Variants in HTATSF1 observed in about 807,000 individuals in gnomAD.
The protein encoded by HTATSF1 is HIV-1 Tat specific factor 1, also known as 17S U2 SnRNP complex component HTATSF1.
HTATSF1 carries 6 observed loss-of-function variants against 46.1 expected under a neutral mutation model. The observed-to-expected ratio is 0.13, with a 90% CI of 0.07 to 0.26. HTATSF1 has a LOEUF of 0.26. HTATSF1 is among the 10% of genes least tolerant of loss of function. The pLI, the probability that HTATSF1 is intolerant of heterozygous loss-of-function variation, is 1.00. For missense variants in HTATSF1, 452 were observed against 559.9 expected, an observed-to-expected ratio of 0.81 and a Z score of 1.94; for synonymous variants, 226 against 211.5, an observed-to-expected ratio of 1.07 and a Z score of -0.60.
intron 7 of HTATSF1, among the ~76,000 whole-genome samples, chrX:136,509,684 C>T (rs2075758570): frequency 8.9e-6 from 1 of 112,335 alleles, no homozygotes; most frequent in South Asian, 3.7e-4. Context: ...CACTATTACA[C>T]CCATTTTACA....
At position 136,499,639 on chromosome X, in the gene HTATSF1, C is replaced by G. The variant is rs745973066; in HGVS notation, c.228C>G (p.Gly76=). 2.5e-6 allele frequency: 3 copies of G among 1,196,200 alleles called. No individual in the cohort carries two copies. Among genetic ancestry groups the G allele is most frequent in the South Asian group, 1.9e-5 (1 of 53,854 alleles). ...TTGCTACATATCAGGCCAATTATGG[C>G]TTCTCTAACGATGGCGCATCTAGTT... ...DFIATYQANY[G]FSNDGASSST... Residue 76 remains glycine (G), a synonymous_variant, in exon 2 of 9, where the codon GGC becomes GGG. Transcript: ENST00000218364.
rs768140850 is a variant in HTATSF1, at chrX:136,500,773, T to C, written c.525T>C (p.Asp175=). ...AATTTAAGGTCAAACTTTACAAAGA[T>C]AATCAAGGAAATCTTAAAGGAGACG... ...TEEFKVKLYK[D]NQGNLKGDGL... The change falls in exon 4 of 9, where the codon GAT becomes GAC. Residue 175 remains aspartate, a synonymous_variant. Coordinates refer to ENST00000218364, the MANE Select transcript of HTATSF1 (RefSeq NM_014500.5). 18 of 1,143,057 alleles carry C rather than the reference T, an allele frequency of 1.6e-5. No homozygotes were observed. The East Asian group carries it at 5.7e-4, about 36-fold the overall frequency. 94.2% of individuals were successfully genotyped at this position (1,143,057 alleles called of 1,213,427 possible). A position where few individuals can be genotyped will look rare whatever the true frequency, so the allele number is the denominator to read the frequency against.
intron 5 of HTATSF1, among the ~76,000 whole-genome samples, 185 bp from the exon 6 acceptor site, chrX:136,504,179 A>T (rs2075731833): frequency 8.9e-6 from 1 of 112,365 alleles, no homozygotes; most frequent in Admixed American, 9.4e-5. Context: ...CCCCCTGCCC[A>T]TTATTTTTAT....
intron 6 of HTATSF1, among the ~76,000 whole-genome samples, chrX:136,505,026 A>G (rs1361251974): frequency 8.9e-6 from 1 of 112,134 alleles, no homozygotes; most frequent in Non-Finnish European, 1.9e-5. Flanking sequence ...GCAAAGAACA[A>G]GGAGTTCTGA....
At chrX:136,509,714 T>C (rs761440438) in intron 7 of HTATSF1, among the ~76,000 whole-genome samples, 2 of 112,465 alleles carry the variant, frequency 1.8e-5, no homozygotes, top group East Asian at 2.8e-4. Flanking sequence ...GCTAACACTT[T>C]AGAAATTGAA....
chrX:136,502,286 C>T (rs2075721744), intron 4 of HTATSF1, among the ~76,000 whole-genome samples: 2 of 111,787 alleles, frequency 1.8e-5, no homozygotes, highest in South Asian at 7.4e-4. Context: ...GTCATCTAGT[C>T]TTTTAAGTAA....
chrX:136,501,883 TAAA>T (rs1285074968), intron 4 of HTATSF1, among the ~76,000 whole-genome samples: 2 of 111,992 alleles, frequency 1.8e-5, no homozygotes, highest in African/African-American at 6.5e-5. Flanking sequence ...TAAGGATTAT[TAAA>T]AAATCTGCGA....
At chrX:136,510,576 A>C (rs1473523703) in intron 8 of HTATSF1, among the ~76,000 whole-genome samples, 2 of 112,470 alleles carry the variant, frequency 1.8e-5, no homozygotes, top group Admixed American at 1.9e-4. Flanking sequence ...TTTTTAAGAG[A>C]TGAGACATTT....
Position 136,511,644 on chromosome X carries a change from A to G in HTATSF1, c.1899A>G (p.Thr633=). 8.3e-7 allele frequency: 1 copy of G among 1,211,342 alleles called. No homozygotes were observed. The highest frequency in any genetic ancestry group is 1.1e-6 in the Non-Finnish European group (1 of 895,214). ...DSDEKEEEED[T]YEKVFDDESD... is the part of the protein sequence containing the mutation. ...ATGAAAAGGAAGAAGAGGAGGATAC[A>G]TATGAAAAAGTATTTGATGATGAGT... The change falls in exon 9 of 9, where the codon ACA becomes ACG. Residue 633 remains threonine (T), a synonymous_variant. Transcript: ENST00000218364.
rs2075759820 is a variant in HTATSF1 at position 136,509,986 on chromosome X, CAGAG to C, written c.925-92_925-89del. On this transcript the variant is annotated intron_variant, in intron 7 of 8. Transcript: ENST00000218364. ...CATAAAGTCTTTTACTTCAGAGTATCAGAGAGAACACTACTACTTACCTACTTTG... is the reference window on the plus strand; with the variant it reads ...CATAAAGTCTTTTACTTCAGAGTATCAGAACACTACTACTTACCTACTTTG... 9.0e-6 allele frequency: 7 copies of C among 781,355 alleles called. 1 individual carries two copies. In the South Asian group the frequency reaches 9.1e-5, roughly 10 times the overall value. 64.4% of individuals were successfully genotyped at this position (781,355 alleles called of 1,213,427 possible).
At position 136,512,034 on chromosome X, in the gene HTATSF1, G is replaced by A. The variant is rs1326696440; in HGVS notation, c.*21G>A. On this transcript the variant is annotated 3_prime_UTR_variant, in exon 9 of 9. Coordinates refer to ENST00000218364, the MANE Select transcript of HTATSF1 (RefSeq NM_014500.5). Reference sequence around the variant, plus strand: ...TTTAATCCCTTAAACTTGCTTTTTAGGGAGAGTCCTCCATCTACATTTGCC... The same window carrying A: ...TTTAATCCCTTAAACTTGCTTTTTAAGGAGAGTCCTCCATCTACATTTGCC... The A allele has an allele frequency of 6.0e-6, 7 of 1,176,062 alleles. No homozygotes were observed. Among genetic ancestry groups the A allele is most frequent in the Non-Finnish European group, 6.8e-6 (6 of 877,632 alleles).
intron 4 of HTATSF1, among the ~76,000 whole-genome samples, chrX:136,502,036 A>G (rs1233868113): frequency 9.0e-6 from 1 of 111,710 alleles, no homozygotes; most frequent in South Asian, 3.7e-4. Context: ...CAGGACCCAT[A>G]TATGTGAGCA....
At position 136,512,202 on chromosome X, in the gene HTATSF1, G is replaced by A; in HGVS notation, c.*189G>A. ...TGTTAATTGATTGTTTAGTTAAAAT[G>A]TCATAGTTACAATGCAAGTAAACTG... is the stretch of plus-strand genomic sequence containing the variant. On this transcript the variant is annotated 3_prime_UTR_variant, in exon 9 of 9. Transcript: ENST00000218364. 1 of 368,796 alleles carries A rather than the reference G, an allele frequency of 2.7e-6. No homozygotes were observed. The highest frequency in any genetic ancestry group is 4.4e-6 in the Non-Finnish European group (1 of 225,801). 30.4% of individuals were successfully genotyped at this position (368,796 alleles called of 1,213,427 possible).
intron 4 of HTATSF1, among the ~76,000 whole-genome samples, chrX:136,501,836 T>C (rs773200791): frequency 1.8e-5 from 2 of 111,889 alleles, no homozygotes; most frequent in Non-Finnish European, 3.8e-5. Flanking sequence ...TTTGTAATGT[T>C]CAAATGTAAG....
Position 136,511,827 on chromosome X carries a change from A to G in HTATSF1, c.2082A>G (p.Glu694=). ...GAAAGGAAGTTGAAGATGCTGACGA[A>G]AAGTTGTTCGAAGATGATGATTCCA... ...ADGKEVEDAD[E]KLFEDDDSNE... is the part of the protein sequence containing the mutation. The change falls in exon 9 of 9, where the codon GAA becomes GAG. Residue 694 remains glutamate (E), a synonymous_variant. Coordinates refer to ENST00000218364, the MANE Select transcript of HTATSF1 (RefSeq NM_014500.5). 8.3e-7 allele frequency: 1 copy of G among 1,211,504 alleles called. No individual in the cohort carries two copies. Among genetic ancestry groups the G allele is most frequent in the African/African-American group, 1.7e-5 (1 of 57,701 alleles).
intron 6 of HTATSF1, among the ~76,000 whole-genome samples, chrX:136,506,481 T>TC (rs72545237): frequency 0.089 from 5 of 56 alleles, no homozygotes; most frequent in African/African-American, 0.29. Flanking sequence ...GTACATAGAA[T>TC]TTGCCTGGCA....
chrX:136,509,649 C>T (rs1456534967), intron 7 of HTATSF1, among the ~76,000 whole-genome samples: 1 of 112,340 alleles, frequency 8.9e-6, no homozygotes, highest in Non-Finnish European at 1.9e-5. Context: ...TATCTCACTT[C>T]TCAAAACCCT....
At chrX:136,500,957 CTG>C (rs1391981939) in intron 4 of HTATSF1, 139 bp downstream of exon 4, 1 of 355,412 alleles carries the variant, frequency 2.8e-6, no homozygotes, top group African/African-American at 2.7e-5. Flanking sequence ...CAGTTAGTAC[CTG>C]TGTGTATCAC....
chrX:136,511,269 C>A lies in HTATSF1; in HGVS notation c.1524C>A (p.Leu508=). The change falls in exon 9 of 9, where the codon CTC becomes CTA. Residue 508 remains leucine, a synonymous_variant. Coordinates refer to ENST00000218364, the MANE Select transcript of HTATSF1 (RefSeq NM_014500.5). ...SPKKESKKKT[L]KNDCEENGLA... ...AAAAAGAGTCTAAAAAGAAGACACT[C>A]AAAAATGATTGTGAAGAGAATGGCC... 1 of 1,208,796 alleles carries A rather than the reference C, an allele frequency of 8.3e-7. No individual in the cohort carries two copies. Among genetic ancestry groups the A allele is most frequent in the South Asian group, 1.8e-5 (1 of 56,297 alleles).
Sources: allele counts gnomAD v4.1 joint callset (sites outside exome capture counted in the v4.1 genomes callset), GRCh38; gene constraint gnomAD v4.1.1; transcripts MANE v1.5; gene names NCBI Gene and HGNC (gene_info 2026-07-23, HGNC 2026-07-21).